The following MEGF10 variants were observed in gnomAD, a reference collection of about 807,000 sequenced individuals.
MEGF10 encodes the protein multiple EGF like domains 10.
MEGF10 carries 86 observed loss-of-function variants against 147.5 expected under a neutral mutation model. The observed-to-expected ratio is 0.58, with a 90% CI of 0.49 to 0.70. MEGF10 has a LOEUF of 0.70. Ranked by LOEUF, MEGF10 falls within the 30% of genes least tolerant of loss-of-function variation. The pLI is 0.00. For synonymous variants in MEGF10, 478 were observed against 525.5 expected (o/e 0.91, Z 1.24); for missense variants, 1,329 against 1,487.3 (o/e 0.89, Z 1.75).
the MEGF10 span, among the ~76,000 whole-genome samples, chr5:127,276,952 A>G: frequency 6.6e-6 from 1 of 152,100 alleles, no homozygotes; most frequent in Non-Finnish European, 1.5e-5. Context: ...TGTGTAGGAG[A>G]TCAGGGAGCA....
At chr5:127,266,545 A>G in the MEGF10 span, among the ~76,000 whole-genome samples, 3 of 152,238 alleles carry the variant, frequency 2.0e-5, no homozygotes, top group East Asian at 3.9e-4. Context: ...GATTCTTCCT[A>G]TCCATGAGCA....
chr5:127,392,040 G>A (rs1330749508), intron 5 of MEGF10, among the ~76,000 whole-genome samples: 1 of 152,092 alleles, frequency 6.6e-6, no homozygotes. Flanking sequence ...TGAGTTCAAA[G>A]TGAATGCCAT....
At chr5:127,417,958 A>T (rs2126968424) in intron 10 of MEGF10, 146 bp downstream of exon 10, 1 of 832,246 alleles carries the variant, frequency 1.2e-6, no homozygotes, top group Non-Finnish European at 1.8e-6. Flanking sequence ...TGAGGGGAAA[A>T]ATGCTAATAG....
At chr5:127,414,883 G>A (rs1764700702) in intron 9 of MEGF10, among the ~76,000 whole-genome samples, 1 of 152,306 alleles carries the variant, frequency 6.6e-6, no homozygotes, top group African/African-American at 2.4e-5. Flanking sequence ...GAGATGGGAA[G>A]AAGGATCAGG....
intron 1 of MEGF10, among the ~76,000 whole-genome samples, chr5:127,321,829 C>A (rs1760797245): frequency 6.6e-6 from 1 of 152,090 alleles, no homozygotes; most frequent in African/African-American, 2.4e-5. Context: ...CTCTCAGTGT[C>A]CCTGTCCTCC....
At chr5:127,409,362 A>G (rs1764463474) in intron 8 of MEGF10, among the ~76,000 whole-genome samples, 1 of 152,114 alleles carries the variant, frequency 6.6e-6, no homozygotes, top group Non-Finnish European at 1.5e-5. Flanking sequence ...GACAAAGTGT[A>G]CCCTTCTTGC....
intron 4 of MEGF10, among the ~76,000 whole-genome samples, chr5:127,346,876 C>T (rs773127647): frequency 3.3e-5 from 5 of 151,964 alleles, no homozygotes; most frequent in African/African-American, 1.2e-4. Flanking sequence ...ATTTTCACAT[C>T]CATAATGAGA....
intron 5 of MEGF10, among the ~76,000 whole-genome samples, chr5:127,377,860 T>A (rs1763093742): frequency 6.6e-6 from 1 of 152,104 alleles, no homozygotes; most frequent in Non-Finnish European, 1.5e-5. Context: ...ACTTTCGAAA[T>A]CAGGTTGATG....
At chr5:127,260,730 C>G in the MEGF10 span, among the ~76,000 whole-genome samples, 1 of 152,110 alleles carries the variant, frequency 6.6e-6, no homozygotes, top group Non-Finnish European at 1.5e-5. Context: ...ACAAACCACT[C>G]TAGGCATTTC....
At chr5:127,319,318 CACCT>C (rs747990871) in intron 1 of MEGF10, among the ~76,000 whole-genome samples, 48 of 152,120 alleles carry the variant, frequency 3.2e-4, no homozygotes, top group Non-Finnish European at 5.7e-4. Context: ...TCAAGTGATC[CACCT>C]ACCTCGGCCT....
chr5:127,353,265 A>G (rs1451373111), intron 4 of MEGF10, among the ~76,000 whole-genome samples: 2 of 152,240 alleles, frequency 1.3e-5, no homozygotes, highest in Admixed American at 6.5e-5. Context: ...ATGAACAACT[A>G]TTGAGGTTGC....
At chr5:127,256,723 G>T in the MEGF10 span, among the ~76,000 whole-genome samples, 13 of 152,240 alleles carry the variant, frequency 8.5e-5, 2 homozygotes, top group East Asian at 1.9e-3. Flanking sequence ...ATATCACATG[G>T]TCTAATTGCA....
intron 1 of MEGF10, among the ~76,000 whole-genome samples, chr5:127,326,214 C>T (rs2126773451): frequency 6.6e-6 from 1 of 152,034 alleles, no homozygotes; most frequent in Admixed American, 6.6e-5. Context: ...CGCACCTGGC[C>T]TTTCTTTTAT....
chr5:127,395,850 A>G (rs1763890865), intron 5 of MEGF10, among the ~76,000 whole-genome samples: 1 of 152,012 alleles, frequency 6.6e-6, no homozygotes, highest in Admixed American at 6.6e-5. Context: ...TGATATCTTA[A>G]AAGCAGATCA....
At chr5:127,433,854 G>A (rs60901740) in intron 14 of MEGF10, among the ~76,000 whole-genome samples, 33,816 of 152,122 alleles carry the variant, frequency 0.22, 4,171 homozygotes, top group African/African-American at 0.33. Flanking sequence ...TTATTCAGCA[G>A]TTTGGCATTG....
chr5:127,412,440 T>C (rs896475062), intron 9 of MEGF10, among the ~76,000 whole-genome samples: 1 of 152,238 alleles, frequency 6.6e-6, no homozygotes, highest in Non-Finnish European at 1.5e-5. Context: ...AGAATCCTTG[T>C]ATTAATTGAA....
intron 4 of MEGF10, among the ~76,000 whole-genome samples, chr5:127,365,854 A>G (rs372965741): frequency 2.0e-5 from 3 of 152,342 alleles, no homozygotes. Flanking sequence ...AAAAAAGAAG[A>G]AAGGACATGG....
upstream of MEGF10, among the ~76,000 whole-genome samples, chr5:127,290,421 G>A (rs1439504125): frequency 1.3e-5 from 2 of 152,158 alleles, no homozygotes; most frequent in Non-Finnish European, 1.5e-5. Flanking sequence ...TCCTTACAGA[G>A]GGTCTAGAAC....
intron 1 of MEGF10, among the ~76,000 whole-genome samples, chr5:127,327,715 T>TTTTC (rs1491380833): frequency 1.9e-3 from 18 of 9,322 alleles, no homozygotes; most frequent in Admixed American, 0.016. Flanking sequence ...TTTTCTTTTC[T>TTTTC]TTTTTTTTTT....
Sources: gnomAD v4.1 joint callset for allele counts (sites outside exome capture counted in the v4.1 genomes callset) on GRCh38, gnomAD v4.1.1 for gene constraint, MANE v1.5 for transcripts, NCBI Gene and HGNC (gene_info 2026-07-23, HGNC 2026-07-21) for gene names.